The following BAHCC1 variants were observed in gnomAD, a reference collection of about 807,000 sequenced individuals.
BAHCC1 encodes BAH and coiled-coil domain-containing protein 1.
A neutral mutation model predicts 88.2 loss-of-function variants in BAHCC1; 43 were observed. The ratio of observed to expected loss-of-function variants is 0.49; its 90% CI spans 0.38 to 0.63. The LOEUF is 0.63. Ranked by LOEUF, BAHCC1 falls within the 20% of genes least tolerant of loss-of-function variation. The pLI is 0.00. For synonymous variants in BAHCC1, 1,510 were observed against 745.5 expected (o/e 2.03, Z -16.71); for missense variants, 3,023 against 1,654.8 (o/e 1.83, Z -14.34).
In BAHCC1 at chr17:81,440,206, G is replaced by T. The variant is rs139515884; in HGVS notation, c.482-1625G>T. On this transcript the variant is annotated intron_variant, in intron 4 of 27. Coordinates refer to ENST00000675386, the MANE Select transcript of BAHCC1 (RefSeq NM_001377448.1). ...CCCCTAGAACCGCGTCAGCCCCAGC[G>T]CGTGCAGTTATTTTGACAGTGTTTG... 2.6e-5 allele frequency among the ~76,000 whole-genome samples: 4 copies of T among 152,302 alleles called. No homozygotes were observed. The East Asian group carries it at 5.8e-4, about 22-fold the overall frequency.
intron 2 of BAHCC1, chr17:81,421,997 C>A: frequency 2.8e-6 from 1 of 358,376 alleles, no homozygotes; most frequent in Non-Finnish European, 5.5e-6. Flanking sequence ...TCTCGGGTGA[C>A]TCCGCTTCCT....
chr17:81,407,473 T>C (rs1221337138), intron 2 of BAHCC1: 1 of 502,344 alleles, frequency 2.0e-6, no homozygotes, highest in Non-Finnish European at 4.0e-6. Flanking sequence ...GCGCCTCCTG[T>C]TCTTAACACA....
intron 3 of BAHCC1, among the ~76,000 whole-genome samples, chr17:81,431,398 G>A (rs1364296279): frequency 2.0e-5 from 3 of 152,200 alleles, no homozygotes; most frequent in Non-Finnish European, 2.9e-5. Flanking sequence ...TCACTGTTGA[G>A]TGCAGGGGTT....
intron 3 of BAHCC1, among the ~76,000 whole-genome samples, chr17:81,437,215 C>G (rs1264983025): frequency 6.6e-6 from 1 of 152,244 alleles, no homozygotes; most frequent in Non-Finnish European, 1.5e-5. Flanking sequence ...TTGCCTCAAA[C>G]GTCTTCTCCT....
rs2029889934 is a variant in BAHCC1, at chr17:81,458,052, C to CG, written c.5042-108dup. 9 of 406,552 alleles carry CG rather than the reference C, an allele frequency of 2.2e-5. 1 individual carries two copies. The East Asian group carries it at 2.5e-4, about 11-fold the overall frequency. The allele number at this position is 406,552 out of a possible 1,614,324, so 25.2% of individuals were successfully genotyped here. A position where few individuals can be genotyped will look rare whatever the true frequency, so the allele number is the denominator to read the frequency against. ...GGAGGGCAGAGGTTGCTGGGTAACC[C>CG]GGGGGCGGGCAGGGGTTGCTAGGTA... On this transcript the variant is annotated intron_variant, in intron 17 of 27. Coordinates refer to ENST00000675386, the MANE Select transcript of BAHCC1 (RefSeq NM_001377448.1).
rs782489651 is a variant in BAHCC1 at position 81,452,690 on chromosome 17, T to G, written c.4317-33T>G. 6 of 727,294 alleles carry G rather than the reference T, an allele frequency of 8.2e-6. No homozygotes were observed. In the East Asian group the frequency reaches 1.7e-4, roughly 20 times the overall value. 45.1% of individuals were successfully genotyped at this position (727,294 alleles called of 1,614,324 possible). A position where few individuals can be genotyped will look rare whatever the true frequency, so the allele number is the denominator to read the frequency against. On this transcript the variant is annotated intron_variant, in intron 13 of 27. Coordinates refer to ENST00000675386, the MANE Select transcript of BAHCC1 (RefSeq NM_001377448.1). ...CCTTGTCGGGGAGCTGGGTTGTGCATGAGCCTCTGACCATCCCCCCTGCGG... is the reference window on the plus strand; with the variant it reads ...CCTTGTCGGGGAGCTGGGTTGTGCAGGAGCCTCTGACCATCCCCCCTGCGG...
rs1204433202 is a variant in BAHCC1 at position 81,435,806 on chromosome 17, C to T, written c.359-2564C>T. On this transcript the variant is annotated intron_variant, in intron 3 of 27. Transcript: ENST00000675386. This position sits in a 1 kb window ranked among gnomAD's most constrained non-coding sequence, Gnocchi z 4.4. ...CCCGGCCCGGCCGCAGCAGCCCTGCCTTCCCCCACTCCTCAGTGGCAGCCC... is the reference window on the plus strand; with the variant it reads ...CCCGGCCCGGCCGCAGCAGCCCTGCTTTCCCCCACTCCTCAGTGGCAGCCC... 6.6e-6 allele frequency among the ~76,000 whole-genome samples: 1 copy of T among 151,966 alleles called. No homozygotes were observed. The highest frequency in any genetic ancestry group is 1.5e-5 in the Non-Finnish European group (1 of 67,916).
At chr17:81,415,758 C>T in intron 2 of BAHCC1, 1 of 292,678 alleles carries the variant, frequency 3.4e-6, no homozygotes, top group South Asian at 2.6e-5. Flanking sequence ...CGAAGCTGTC[C>T]CTGCTCCCTG....
rs782130122 is a variant in BAHCC1, at chr17:81,443,375, G to A, written c.2026G>A (p.Gly676Ser). Residue 676 changes from glycine to serine, a missense_variant, in exon 5 of 28, where the codon GGC becomes AGC. By Grantham distance (56) the Gly-to-Ser change is moderately conservative (BLOSUM62 0). Transcript: ENST00000675386. Reference sequence around the variant, plus strand: ...AAAGTTCCTGTCCTCTAAGGGCCCAGGCCAGTCGGAGAGGCCGGACTGTGC... The same window carrying A: ...AAAGTTCCTGTCCTCTAAGGGCCCAAGCCAGTCGGAGAGGCCGGACTGTGC... ...EAKFLSSKGPGQSERPDCARS... is the reference protein window; with the variant it reads ...EAKFLSSKGPSQSERPDCARS... 2 of 776,564 alleles carry A rather than the reference G, an allele frequency of 2.6e-6. No individual in the cohort carries two copies. Among genetic ancestry groups the A allele is most frequent in the South Asian group, 1.3e-5 (1 of 74,226 alleles). The allele number at this position is 776,564 out of a possible 1,614,324, so 48.1% of individuals were successfully genotyped here. A position where few individuals can be genotyped will look rare whatever the true frequency, so the allele number is the denominator to read the frequency against.
chr17:81,426,282 ATTGTGGTGGG>A, intron 2 of BAHCC1, among the ~76,000 whole-genome samples: 1 of 113,164 alleles, frequency 8.8e-6, no homozygotes. Flanking sequence ...GTTGGGGGTG[ATTGTGGTGGG>A]TGATGTGGTT....
At chr17:81,422,214 G>C (rs2064124613) in intron 2 of BAHCC1, among the ~76,000 whole-genome samples, 1 of 152,178 alleles carries the variant, frequency 6.6e-6, no homozygotes. Context: ...GTTTCACCTT[G>C]TTGGCCAGGG....
Position 81,399,594 on chromosome 17 carries a change from C to T in BAHCC1, c.-146C>T, listed in dbSNP as rs1407016979. The T allele has an allele frequency of 8.1e-6, 4 of 493,082 alleles. No individual in the cohort carries two copies. The highest frequency in any genetic ancestry group is 2.1e-5 in the African/African-American group (1 of 47,214). The allele number at this position is 493,082 out of a possible 1,614,324, so 30.5% of individuals were successfully genotyped here. A position where few individuals can be genotyped will look rare whatever the true frequency, so the allele number is the denominator to read the frequency against. On this transcript the variant is annotated 5_prime_UTR_variant, in exon 2 of 28. Coordinates refer to ENST00000675386, the MANE Select transcript of BAHCC1 (RefSeq NM_001377448.1). The surrounding 1 kb of genome is among the most constrained non-coding windows in gnomAD (Gnocchi z 4.5). ...GCGGCCGCCCGCCGAGAAGCCCAGT[C>T]CTCCCGCGTGCTGACCGGCCCCGCC...
rs574818751 is a variant in BAHCC1, at chr17:81,442,706, C to T, written c.1357C>T (p.Arg453Trp). The part of the protein sequence containing the change: ...HLKAEGKGER[R>W]PGGFEAALNP... ...GAAGGCCGAGGGCAAGGGCGAGCGG[C>T]GGCCTGGGGGCTTTGAGGCGGCCCT... is the stretch of plus-strand genomic sequence containing the variant. The change falls in exon 5 of 28, where the codon CGG becomes TGG. Residue 453 changes from arginine to tryptophan, a missense_variant. Physicochemically the swap from Arg to Trp is moderately radical, Grantham distance 101. Coordinates refer to ENST00000675386, the MANE Select transcript of BAHCC1 (RefSeq NM_001377448.1). 22 of 774,564 alleles carry T rather than the reference C, an allele frequency of 2.8e-5. No homozygotes were observed. The highest frequency in any genetic ancestry group is 2.2e-4 in the East Asian group (9 of 41,048). The allele number at this position is 774,564 out of a possible 1,614,324, so 48.0% of individuals were successfully genotyped here. A position where few individuals can be genotyped will look rare whatever the true frequency, so the allele number is the denominator to read the frequency against.
Position 81,444,534 on chromosome 17 carries a change from C to T in BAHCC1, c.2478C>T (p.Arg826=), listed in dbSNP as rs923094779. 1 of 704,708 alleles carries T rather than the reference C, an allele frequency of 1.4e-6. No individual in the cohort carries two copies. Among genetic ancestry groups the T allele is most frequent in the Non-Finnish European group, 2.6e-6 (1 of 385,426 alleles). The allele number at this position is 704,708 out of a possible 1,614,324, so 43.7% of individuals were successfully genotyped here. Reference sequence around the variant, plus strand: ...ATCCCCCCTGGCTGCCCCGCACCCGCAGCCCCTCCCTGTGGATGGGGGGGC... The same window carrying T: ...ATCCCCCCTGGCTGCCCCGCACCCGTAGCCCCTCCCTGTGGATGGGGGGGC... ...HPHPPWLPRT[R]SPSLWMGGHS... is the part of the protein sequence containing the mutation. Residue 826 remains arginine (R), a synonymous_variant, in exon 7 of 28, where the codon CGC becomes CGT. Transcript: ENST00000675386.
At chr17:81,422,638 A>G (rs782356022) in intron 2 of BAHCC1, among the ~76,000 whole-genome samples, 4 of 152,168 alleles carry the variant, frequency 2.6e-5, no homozygotes, top group Non-Finnish European at 5.9e-5. Context: ...GTCCGGAGAC[A>G]GGCTGGTTGC....
intron 11 of BAHCC1, among the ~76,000 whole-genome samples, chr17:81,449,301 C>T (rs927906951): frequency 7.2e-5 from 11 of 152,074 alleles, no homozygotes; most frequent in Admixed American, 2.6e-4. Flanking sequence ...CTGCCCCTGC[C>T]CTCCCCTTGT....
At chr17:81,463,126 C>T (rs1568040783) in intron 27 of BAHCC1, 150 bp downstream of exon 27, 7 of 610,734 alleles carry the variant, frequency 1.1e-5, no homozygotes, top group Non-Finnish European at 2.0e-5. Flanking sequence ...GGGAGCCGCA[C>T]AGCCCATGGG....
chr17:81,460,425 C>A, intron 24 of BAHCC1, 29 bp downstream of exon 24: 1 of 741,090 alleles, frequency 1.3e-6, no homozygotes, highest in Non-Finnish European at 2.5e-6. Flanking sequence ...CGGGGCAGGG[C>A]CCTGCCTGGG....
chr17:81,430,802 G>C (rs944163622), intron 3 of BAHCC1, among the ~76,000 whole-genome samples: 42 of 152,138 alleles, frequency 2.8e-4, no homozygotes, highest in African/African-American at 9.2e-4. Flanking sequence ...GGCTAAAACA[G>C]CTTCTTGGTC....
Sources: allele counts gnomAD v4.1 joint callset (sites outside exome capture counted in the v4.1 genomes callset), GRCh38; gene constraint gnomAD v4.1.1; non-coding constraint Gnocchi (gnomAD v3.1); transcripts MANE v1.5; gene names NCBI Gene and HGNC (gene_info 2026-07-23, HGNC 2026-07-21).